The following ABI3BP variants were observed in gnomAD, a reference collection of about 807,000 sequenced individuals.
The protein encoded by ABI3BP is ABI family member 3 binding protein, also known as target of Nesh-SH3.
In ABI3BP, 216 loss-of-function variants were observed where a neutral mutation model predicts 268.6. That is an observed-to-expected ratio of 0.80 (90% confidence interval 0.72 to 0.90). The LOEUF (loss-of-function observed/expected upper bound fraction) is 0.90. ABI3BP is among the 40% of genes least tolerant of loss of function. The pLI is 0.00. For synonymous variants in ABI3BP, 730 were observed against 730.0 expected (o/e 1.00, Z 0.00); for missense variants, 2,090 against 2,182.4 (o/e 0.96, Z 0.84).
At chr3:100,980,884 C>A (rs1323033130) in intron 1 of ABI3BP, among the ~76,000 whole-genome samples, 1 of 152,220 alleles carries the variant, frequency 6.6e-6, no homozygotes, top group African/African-American at 2.4e-5. Flanking sequence ...TGGAAAACAG[C>A]AGAATTCTCT....
chr3:100,895,201 T>C (rs567255917), intron 4 of ABI3BP, among the ~76,000 whole-genome samples: 54 of 152,126 alleles, frequency 3.5e-4, no homozygotes, highest in African/African-American at 1.2e-3. Context: ...AAATTGAGGC[T>C]CTATTGAAGA....
At chr3:100,803,319 G>GT (rs1220830166) in intron 51 of ABI3BP, among the ~76,000 whole-genome samples, 3,084 of 131,216 alleles carry the variant, frequency 0.024, 285 homozygotes, top group Non-Finnish European at 0.029. Flanking sequence ...ATTAAGGCAA[G>GT]TTTTTTTTTT....
intron 1 of ABI3BP, among the ~76,000 whole-genome samples, chr3:100,969,563 C>T (rs1026016216): frequency 1.3e-5 from 2 of 152,068 alleles, no homozygotes; most frequent in Non-Finnish European, 2.9e-5. Context: ...ATATACAGAA[C>T]AGCATCTTGT....
At chr3:100,822,544 G>C in intron 38 of ABI3BP, 45 bp downstream of exon 38, 2 of 1,505,266 alleles carry the variant, frequency 1.3e-6, no homozygotes, top group African/African-American at 1.4e-5. Context: ...AGACCCTACT[G>C]GCTTAGGCTG....
In ABI3BP at chr3:100,972,761, C is replaced by T. The variant is rs145151818; in HGVS notation, c.79+20545G>A. ...ACATCAACATGCATGATTTATCCTACGGAACAGAAGTAGCAAATAACAGCC... is the reference window on the plus strand; with the variant it reads ...ACATCAACATGCATGATTTATCCTATGGAACAGAAGTAGCAAATAACAGCC... On this transcript the variant is annotated intron_variant, in intron 1 of 67. Transcript: ENST00000471714. Among the ~76,000 whole-genome samples the T allele has an allele frequency of 4.8e-3, 735 of 152,264 alleles. 2 individuals are homozygous for T. The highest frequency in any genetic ancestry group is 7.8e-3 in the Non-Finnish European group (532 of 68,024).
intron 2 of ABI3BP, chr3:100,911,449 G>C: frequency 2.8e-6 from 1 of 362,424 alleles, no homozygotes; most frequent in South Asian, 3.2e-5. Context: ...GTTTTAATCT[G>C]TTTATATCCT....
At chr3:100,844,402 C>T (rs1426068489) in intron 20 of ABI3BP, 1 of 985,236 alleles carries the variant, frequency 1.0e-6, no homozygotes. Flanking sequence ...CTGAATTGTA[C>T]TTATAAAACA....
chr3:100,874,937 C>T lies in ABI3BP; in HGVS notation c.818-4G>A. The stretch of plus-strand genomic sequence containing the variant: ...AGACCTGGAATAATAAGGTGGACTG[C>T]AAGGAAATAGATGTAAATAAGATAA... On this transcript the variant is annotated splice_polypyrimidine_tract_variant and splice_region_variant and intron_variant, in intron 8 of 67. Coordinates refer to ENST00000471714, the MANE Select transcript of ABI3BP (RefSeq NM_001375547.2). The T allele has an allele frequency of 6.5e-7, 1 of 1,544,202 alleles. No homozygotes were observed. The highest frequency in any genetic ancestry group is 8.9e-7 in the Non-Finnish European group (1 of 1,126,744).
intron 59 of ABI3BP, 85 bp from the exon 60 acceptor site, chr3:100,775,420 T>TA: frequency 6.6e-7 from 1 of 1,520,322 alleles, no homozygotes; most frequent in Non-Finnish European, 8.9e-7. Flanking sequence ...TAAATGTTTT[T>TA]AAGCACTGAC....
At chr3:100,787,685 T>A (rs780563029) in intron 57 of ABI3BP, 43 bp downstream of exon 57, 1 of 1,412,742 alleles carries the variant, frequency 7.1e-7, no homozygotes, top group Admixed American at 2.6e-5. Context: ...ATAACACTTA[T>A]AGTTTTGACA....
chr3:100,968,241 A>G (rs1328715311), intron 1 of ABI3BP, among the ~76,000 whole-genome samples: 1 of 152,186 alleles, frequency 6.6e-6, no homozygotes, highest in East Asian at 1.9e-4. Flanking sequence ...GAAATTTCAA[A>G]TATGTATATA....
intron 29 of ABI3BP, among the ~76,000 whole-genome samples, chr3:100,834,069 C>T (rs2098538308): frequency 6.6e-6 from 1 of 152,166 alleles, no homozygotes; most frequent in South Asian, 2.1e-4. Flanking sequence ...TTCCTGGGCT[C>T]AAGCGATCCT....
chr3:100,893,307 G>C (rs1282732456), intron 4 of ABI3BP, among the ~76,000 whole-genome samples: 1 of 152,046 alleles, frequency 6.6e-6, no homozygotes, highest in Non-Finnish European at 1.5e-5. Context: ...TGGCTTCCTT[G>C]TTCCTCAGCT....
intron 14 of ABI3BP, among the ~76,000 whole-genome samples, chr3:100,853,348 T>C: frequency 6.6e-6 from 1 of 152,350 alleles, no homozygotes; most frequent in East Asian, 1.9e-4. Context: ...GAATGACTAA[T>C]TTTTTAAAAG....
intron 38 of ABI3BP, among the ~76,000 whole-genome samples, chr3:100,821,414 T>C (rs913503757): frequency 3.3e-5 from 5 of 152,026 alleles, no homozygotes. Flanking sequence ...GCATGATGAA[T>C]TGAGTAGGAT....
intron 19 of ABI3BP, among the ~76,000 whole-genome samples, chr3:100,847,316 T>G (rs2098780958): frequency 6.6e-6 from 1 of 152,138 alleles, no homozygotes; most frequent in African/African-American, 2.4e-5. Context: ...ATATACAAGA[T>G]TCAACTTCAA....
chr3:100,837,053 G>T, intron 27 of ABI3BP, 71 bp downstream of exon 27: 1 of 1,348,874 alleles, frequency 7.4e-7, no homozygotes. Context: ...GCATATTATA[G>T]CTAATGAAAA....
At chr3:100,922,422 T>G (rs979576571) in intron 2 of ABI3BP, among the ~76,000 whole-genome samples, 1 of 152,078 alleles carries the variant, frequency 6.6e-6, no homozygotes, top group Admixed American at 6.6e-5. Flanking sequence ...GATTTTAAAA[T>G]AGGGAAAGTA....
At chr3:100,797,138 T>TA (rs1279424935) in intron 51 of ABI3BP, among the ~76,000 whole-genome samples, 1 of 152,054 alleles carries the variant, frequency 6.6e-6, no homozygotes, top group African/African-American at 2.4e-5. Flanking sequence ...ATGCTTGACA[T>TA]AAGCATATGA....
Sources: allele counts gnomAD v4.1 joint callset (sites outside exome capture counted in the v4.1 genomes callset), GRCh38; gene constraint gnomAD v4.1.1; transcripts MANE v1.5; gene names NCBI Gene and HGNC (gene_info 2026-07-23, HGNC 2026-07-21).